CCDC88A: variants seen among roughly 807,000 people sequenced by gnomAD.
CCDC88A encodes girdin.
In CCDC88A, 54 loss-of-function variants were observed where a neutral mutation model predicts 234.3. The observed-to-expected ratio is 0.23, with a 90% CI of 0.19 to 0.29. The LOEUF (loss-of-function observed/expected upper bound fraction) is 0.29, where lower values mean the gene tolerates loss of function less well. Among genes scored for constraint, CCDC88A ranks in the 10% least tolerant of loss-of-function variants. The probability of loss-of-function intolerance (pLI) is 1.00; values close to 1 mark genes in which losing one functional copy is unlikely to be tolerated. For synonymous variants in CCDC88A, 753 were observed against 737.8 expected (o/e 1.02, Z -0.33); for missense variants, 1,832 against 2,123.4 (o/e 0.86, Z 2.70).
chr2:55,327,853 C>T (rs1684457963), intron 17 of CCDC88A, among the ~76,000 whole-genome samples: 1 of 152,222 alleles, frequency 6.6e-6, no homozygotes, highest in South Asian at 2.1e-4. Flanking sequence ...CTAGAAAAGA[C>T]ATCAAATTTA....
chr2:55,400,727 T>C (rs1390752506), intron 2 of CCDC88A, among the ~76,000 whole-genome samples: 1 of 152,246 alleles, frequency 6.6e-6, no homozygotes, highest in African/African-American at 2.4e-5. Flanking sequence ...ATAGCTTTAA[T>C]GGCTCTATGC....
intron 7 of CCDC88A, among the ~76,000 whole-genome samples, chr2:55,358,411 G>A (rs1455482250): frequency 6.6e-6 from 1 of 152,120 alleles, no homozygotes; most frequent in African/African-American, 2.4e-5. Flanking sequence ...AGCTCTAACA[G>A]AAAAACAAGA....
intron 5 of CCDC88A, among the ~76,000 whole-genome samples, chr2:55,370,412 C>T (rs953689064): frequency 2.6e-5 from 4 of 152,044 alleles, no homozygotes; most frequent in South Asian, 2.1e-4. Context: ...AAGGCCGAGG[C>T]GGGCAGATCA....
intron 29 of CCDC88A, among the ~76,000 whole-genome samples, chr2:55,297,622 G>A (rs1391882434): frequency 6.6e-6 from 1 of 150,814 alleles, no homozygotes; most frequent in African/African-American, 2.4e-5. Flanking sequence ...TGTTGGCCAG[G>A]TTGGTCTGTA....
Position 55,350,435 on chromosome 2 carries a change from A to G in CCDC88A, c.801-836T>C, listed in dbSNP as rs1209027301. 3 of 151,932 alleles carry G rather than the reference A, an allele frequency of 2.0e-5. No individual in the cohort carries two copies. The East Asian group carries it at 5.8e-4, about 29-fold the overall frequency. The allele number at this position is 151,932 out of a possible 1,614,324, so 9.4% of individuals were successfully genotyped here. A position where few individuals can be genotyped will look rare whatever the true frequency, so the allele number is the denominator to read the frequency against. ...TTTCTCTTAGAATTGCTTTACTTCT[A>G]ATCTCCCATTTTCTCTCTCTCCTTC... On this transcript the variant is annotated intron_variant, in intron 8 of 32. Transcript: ENST00000436346.
intron 2 of CCDC88A, among the ~76,000 whole-genome samples, chr2:55,390,872 G>A (rs1157792560): frequency 1.3e-5 from 2 of 152,212 alleles, no homozygotes; most frequent in Non-Finnish European, 2.9e-5. Flanking sequence ...GAATGTAGTG[G>A]CTCATGCCTG....
intron 7 of CCDC88A, among the ~76,000 whole-genome samples, chr2:55,361,187 C>G (rs1395651787): frequency 6.6e-6 from 1 of 152,032 alleles, no homozygotes; most frequent in East Asian, 1.9e-4. Context: ...ATTGTAATAT[C>G]TTTAACAACT....
intron 2 of CCDC88A, among the ~76,000 whole-genome samples, chr2:55,409,891 C>T (rs1178237242): frequency 6.6e-6 from 1 of 152,058 alleles, no homozygotes; most frequent in Non-Finnish European, 1.5e-5. Flanking sequence ...CAGGGGCCCG[C>T]CAACATGCCC....
chr2:55,351,105 TTTTTC>T (rs1398550790), intron 8 of CCDC88A, among the ~76,000 whole-genome samples: 4 of 152,194 alleles, frequency 2.6e-5, no homozygotes, highest in African/African-American at 9.6e-5. Context: ...GATAGTTTTC[TTTTTC>T]TTTTCTTTTT....
chr2:55,366,230 G>A (rs1217895604), intron 5 of CCDC88A, among the ~76,000 whole-genome samples: 1 of 152,040 alleles, frequency 6.6e-6, no homozygotes, highest in Non-Finnish European at 1.5e-5. Flanking sequence ...GATATTCTAA[G>A]AATACGACAT....
At chr2:55,396,866 T>C (rs1574455387) in intron 2 of CCDC88A, among the ~76,000 whole-genome samples, 1 of 72,460 alleles carries the variant, frequency 1.4e-5, no homozygotes, top group Admixed American at 2.4e-4. Context: ...CAAGACTCCA[T>C]CTCAAAAAAA....
Sources: gnomAD v4.1 joint callset for allele counts (sites outside exome capture counted in the v4.1 genomes callset) on GRCh38, gnomAD v4.1.1 for gene constraint, MANE v1.5 for transcripts, NCBI Gene and HGNC (gene_info 2026-07-23, HGNC 2026-07-21) for gene names.